BOD1L1: variants seen among roughly 807,000 people sequenced by gnomAD.
BOD1L1 encodes the protein biorientation of chromosomes in cell division protein 1-like 1.
Under a neutral mutation model 240.7 loss-of-function variants are expected in BOD1L1, and 86 were observed. The observed-to-expected ratio is 0.36, with a 90% CI of 0.30 to 0.43. The LOEUF is 0.43. Ranked by LOEUF, BOD1L1 falls within the 20% of genes least tolerant of loss-of-function variation. The pLI, the probability that BOD1L1 is intolerant of heterozygous loss-of-function variation, is 1.00. For missense variants in BOD1L1, 3,554 were observed against 3,643.5 expected (o/e 0.98, Z 0.63); for synonymous variants, 1,268 against 1,272.3 (o/e 1.00, Z 0.07).
At chr4:13,575,149 G>A (rs1246143679) in intron 25 of BOD1L1, among the ~76,000 whole-genome samples, 1 of 151,860 alleles carries the variant, frequency 6.6e-6, no homozygotes, top group Non-Finnish European at 1.5e-5. Flanking sequence ...TCGAACTCCT[G>A]ACCTCGTGAT....
chr4:13,594,223 C>G (rs778013684), intron 12 of BOD1L1, among the ~76,000 whole-genome samples: 1 of 151,756 alleles, frequency 6.6e-6, no homozygotes, highest in Non-Finnish European at 1.5e-5. Flanking sequence ...CAACAAAAAT[C>G]ACCCTGACTG....
At chr4:13,612,812 G>A (rs981802009) in intron 5 of BOD1L1, among the ~76,000 whole-genome samples, 1 of 152,132 alleles carries the variant, frequency 6.6e-6, no homozygotes, top group Non-Finnish European at 1.5e-5. Context: ...GACCTCTAGA[G>A]GGGGTAGAGA....
Position 13,627,451 on chromosome 4 carries a change from G to A in BOD1L1, c.137C>T (p.Ala46Val), listed in dbSNP as rs371014816. ...CACGAGCTGCGGGTCCCCGGCGCCC[G>A]CACCCGCGCCGCCCGCCCCGCCCGC... ...PGAGGAGGAG[A>V]GAGDPQLVAM... is the part of the protein sequence containing the mutation. The change falls in exon 1 of 26, where the codon GCG (alanine) becomes GTG (valine). Residue 46 changes from alanine to valine, a missense_variant. By Grantham distance (64) the Ala-to-Val change is moderately conservative. Transcript: ENST00000040738. 1.4e-5 allele frequency: 17 copies of A among 1,217,058 alleles called. No homozygotes were observed. The highest frequency in any genetic ancestry group is 2.5e-5 in the South Asian group (1 of 40,546). The allele number at this position is 1,217,058 out of a possible 1,614,324, so 75.4% of individuals were successfully genotyped here. A position where few individuals can be genotyped will look rare whatever the true frequency, so the allele number is the denominator to read the frequency against.
Position 13,604,523 on chromosome 4 carries a change from G to A in BOD1L1, c.2377C>T (p.His793Tyr). The change falls in exon 10 of 26, where the codon CAT (histidine) becomes TAT (tyrosine). Residue 793 changes from histidine to tyrosine, a missense_variant. His to Tyr is a moderately conservative substitution (Grantham distance 83, BLOSUM62 2). Transcript: ENST00000040738. ...ACTGATAATTTCCTTTCATTCCTAT[G>A]TTTACTTTTTCGTTCGGTTTTATCA... ...SDDKTERKSK[H>Y]RNERKLSVLG... 2 of 1,532,004 alleles carry A rather than the reference G, an allele frequency of 1.3e-6. No individual in the cohort carries two copies. Among genetic ancestry groups the A allele is most frequent in the Non-Finnish European group, 1.7e-6 (2 of 1,147,340 alleles). The allele number at this position is 1,532,004 out of a possible 1,614,324, so 94.9% of individuals were successfully genotyped here. A position where few individuals can be genotyped will look rare whatever the true frequency, so the allele number is the denominator to read the frequency against.
chr4:13,576,693 C>T, intron 25 of BOD1L1, 145 bp downstream of exon 25: 3 of 1,045,056 alleles, frequency 2.9e-6, no homozygotes, highest in Non-Finnish European at 2.7e-6. Context: ...AACTATGTGC[C>T]CACTGCTAAC....
Position 13,613,288 on chromosome 4 carries a change from G to C in BOD1L1, c.1324+224C>G, listed in dbSNP as rs1716325443. The stretch of plus-strand genomic sequence containing the variant: ...TTTTAAATTAATAATAATACTAGGG[G>C]ATAGAGTTAAGGAATGAAGAACCAA... On this transcript the variant is annotated intron_variant, in intron 5 of 25. Coordinates refer to ENST00000040738, the MANE Select transcript of BOD1L1 (RefSeq NM_148894.3). The surrounding 1 kb of genome is among the most constrained non-coding windows in gnomAD (Gnocchi z 4.0). Among the ~76,000 whole-genome samples the C allele has an allele frequency of 6.6e-6, 1 of 152,106 alleles. No homozygotes were observed.
intron 14 of BOD1L1, among the ~76,000 whole-genome samples, chr4:13,589,169 TAACA>T (rs1252562204): frequency 2.6e-5 from 4 of 152,182 alleles, no homozygotes; most frequent in Non-Finnish European, 4.4e-5. Flanking sequence ...ATCATCAGGC[TAACA>T]AACAGTCACC....
chr4:13,594,829 A>G (rs1041870866), intron 12 of BOD1L1, among the ~76,000 whole-genome samples: 3 of 152,206 alleles, frequency 2.0e-5, no homozygotes, highest in Non-Finnish European at 4.4e-5. Context: ...AGGGAGTCAG[A>G]GGTTGCAGTG....
Position 13,599,217 on chromosome 4 carries a change from G to C in BOD1L1, c.7683C>G (p.Asp2561Glu). Residue 2561 changes from aspartate to glutamate, a missense_variant, in exon 10 of 26, where the codon GAC becomes GAG. By Grantham distance (45) the Asp-to-Glu change is conservative (BLOSUM62 2). This residue lies in a region of BOD1L1 where 3,393 missense variants were observed against 3,427.1 expected (regional missense o/e 0.99). Coordinates refer to ENST00000040738, the MANE Select transcript of BOD1L1 (RefSeq NM_148894.3). The part of the protein sequence containing the change: ...FLPAEQQGSE[D>E]NLKTSTTKCI... ...ATTTGGTGGTACTGGTTTTCAAGTT[G>C]TCTTCAGACCCCTGCTGCTCAGCAG... 1.2e-6 allele frequency: 2 copies of C among 1,613,870 alleles called. No homozygotes were observed. Among genetic ancestry groups the C allele is most frequent in the Non-Finnish European group, 1.7e-6 (2 of 1,179,806 alleles).
At chr4:13,623,025 C>T (rs1341015500) in intron 1 of BOD1L1, among the ~76,000 whole-genome samples, 2 of 152,202 alleles carry the variant, frequency 1.3e-5, no homozygotes, top group East Asian at 1.9e-4. Flanking sequence ...GCTCAAGCCC[C>T]AGACAGCTGC....
In BOD1L1 at chr4:13,579,989, CA is replaced by C; in HGVS notation, c.8704-17del. 6.5e-7 allele frequency: 1 copy of C among 1,537,138 alleles called. No homozygotes were observed. Among genetic ancestry groups the C allele is most frequent in the African/African-American group, 1.4e-5 (1 of 72,318 alleles). On this transcript the variant is annotated splice_polypyrimidine_tract_variant and intron_variant, in intron 21 of 25. Coordinates refer to ENST00000040738, the MANE Select transcript of BOD1L1 (RefSeq NM_148894.3). ...ATTGTTCTACCTATGTTTAAATAAA[CA>C]AACAAAAAAAAATTTTAAATCAGCA... is the stretch of plus-strand genomic sequence containing the variant.
chr4:13,585,106 C>T (rs1023992213), intron 17 of BOD1L1, among the ~76,000 whole-genome samples: 1 of 152,070 alleles, frequency 6.6e-6, no homozygotes, highest in Admixed American at 6.6e-5. Context: ...GAAGTATTGT[C>T]TCAGGATTTT....
At chr4:13,618,091 C>G (rs1716753412) in intron 2 of BOD1L1, among the ~76,000 whole-genome samples, 1 of 152,172 alleles carries the variant, frequency 6.6e-6, no homozygotes, top group Admixed American at 6.5e-5. Flanking sequence ...CTTACTGGTA[C>G]AGCAATAATT....
chr4:13,586,329 T>C (rs962376537), intron 17 of BOD1L1, 67 bp downstream of exon 17: 2 of 861,308 alleles, frequency 2.3e-6, no homozygotes, highest in African/African-American at 3.4e-5. Flanking sequence ...TACTAAGTAT[T>C]TACAATGCTG....
intron 2 of BOD1L1, among the ~76,000 whole-genome samples, chr4:13,616,198 A>C (rs180880409): frequency 8.5e-5 from 13 of 152,346 alleles, no homozygotes; most frequent in African/African-American, 2.9e-4. Flanking sequence ...GGATGTAGAC[A>C]CAAACAATCA....
In BOD1L1 at chr4:13,613,411, C is replaced by T; in HGVS notation, c.1324+101G>A. 8.8e-7 allele frequency: 1 copy of T among 1,133,496 alleles called. No homozygotes were observed. The highest frequency in any genetic ancestry group is 1.2e-6 in the Non-Finnish European group (1 of 825,688). 70.2% of individuals were successfully genotyped at this position (1,133,496 alleles called of 1,614,324 possible). The stretch of plus-strand genomic sequence containing the variant: ...TCTTCCAACTACAAAATCCCATGCT[C>T]TTGCTACTATACCACACTGTTTCTC... On this transcript the variant is annotated intron_variant, in intron 5 of 25. Coordinates refer to ENST00000040738, the MANE Select transcript of BOD1L1 (RefSeq NM_148894.3). The surrounding 1 kb of genome is among the most constrained non-coding windows in gnomAD (Gnocchi z 4.0).
chr4:13,609,400 C>G lies in BOD1L1; in HGVS notation c.1498G>C (p.Glu500Gln), dbSNP rs776999386. 18 of 1,512,114 alleles carry G rather than the reference C, an allele frequency of 1.2e-5. No individual in the cohort carries two copies. Among genetic ancestry groups the G allele is most frequent in the Middle Eastern group, 1.7e-4 (1 of 5,780 alleles). 93.7% of individuals were successfully genotyped at this position (1,512,114 alleles called of 1,614,324 possible). ...VEQRRQSIAK[E>Q]KEERLLRRQI... ...CTTCTTAAAAGCCTCTCTTCTTTTT[C>G]TTTGGCCTAAAACCACAAAATACCC... The change falls in exon 7 of 26, where the codon GAA becomes CAA. Residue 500 changes from glutamate to glutamine, a missense_variant. Transcript: ENST00000040738.
chr4:13,612,247 T>A (rs1225758799), intron 5 of BOD1L1, among the ~76,000 whole-genome samples: 1 of 152,230 alleles, frequency 6.6e-6, no homozygotes, highest in Non-Finnish European at 1.5e-5. Context: ...TTCTCCTCTA[T>A]GATTTTCTCT....
At chr4:13,627,183 G>C (rs1351707989) in intron 1 of BOD1L1, among the ~76,000 whole-genome samples, 162 bp downstream of exon 1, 1 of 152,184 alleles carries the variant, frequency 6.6e-6, no homozygotes, top group Non-Finnish European at 1.5e-5. Context: ...TTAAACACTA[G>C]TCGGTAAAAC....
Sources: gnomAD v4.1 joint callset for allele counts (sites outside exome capture counted in the v4.1 genomes callset) on GRCh38, gnomAD v4.1.1 for gene constraint, gnomAD v4.1.1 regional missense constraint, Gnocchi (gnomAD v3.1) non-coding constraint, MANE v1.5 for transcripts, NCBI Gene and HGNC (gene_info 2026-07-23, HGNC 2026-07-21) for gene names.